Variants in MAST2 observed in about 807,000 individuals in gnomAD.
MAST2 encodes microtubule associated serine/threonine kinase 2.
MAST2 carries 70 observed loss-of-function variants against 147.4 expected under a neutral mutation model. That is an observed-to-expected ratio of 0.47 (90% CI 0.39 to 0.58). The LOEUF (loss-of-function observed/expected upper bound fraction) is 0.58. Ranked by LOEUF, MAST2 falls within the 20% of genes least tolerant of loss-of-function variation. The probability of loss-of-function intolerance (pLI) is 0.00; values close to 1 mark genes in which losing one functional copy is unlikely to be tolerated. For missense variants in MAST2, 2,080 were observed against 2,302.3 expected (o/e 0.90, Z 1.98); for synonymous variants, 869 against 896.8 (o/e 0.97, Z 0.55).
chr1:45,905,528 C>A (rs1186841652), intron 4 of MAST2, among the ~76,000 whole-genome samples: 1 of 152,130 alleles, frequency 6.6e-6, no homozygotes, highest in African/African-American at 2.4e-5. Context: ...CCTATAATCT[C>A]AGCACTTTTG....
chr1:45,912,244 C>T (rs1372407737), intron 4 of MAST2, among the ~76,000 whole-genome samples: 1 of 152,102 alleles, frequency 6.6e-6, no homozygotes, highest in Non-Finnish European at 1.5e-5. Context: ...GTAATTAGAA[C>T]AGTGGCTTTC....
rs1646249770 is a variant in MAST2, at chr1:45,868,462, AT to A, written c.469-13899del. On this transcript the variant is annotated intron_variant, in intron 3 of 28. Coordinates refer to ENST00000361297, the MANE Select transcript of MAST2 (RefSeq NM_015112.3). ...ATTTCCCAGGTTCTGAATTGAAAATATTTGTTGTGCTGATAAAATTATTGCC... is the reference window on the plus strand; with the variant it reads ...ATTTCCCAGGTTCTGAATTGAAAATATTGTTGTGCTGATAAAATTATTGCC... Among the ~76,000 whole-genome samples the A allele has an allele frequency of 2.0e-5, 3 of 152,308 alleles. No homozygotes were observed. The South Asian group carries it at 6.2e-4, about 32-fold the overall frequency.
chr1:45,870,033 C>T (rs1390667237), intron 3 of MAST2, among the ~76,000 whole-genome samples: 1 of 152,174 alleles, frequency 6.6e-6, no homozygotes, highest in Non-Finnish European at 1.5e-5. Flanking sequence ...AAGCGATTCT[C>T]CAGCCTCAGC....
At chr1:45,808,472 G>A (rs1390352158) in intron 1 of MAST2, among the ~76,000 whole-genome samples, 7 of 152,180 alleles carry the variant, frequency 4.6e-5, no homozygotes, top group Non-Finnish European at 7.4e-5. Context: ...GCCTCCCAAA[G>A]TATTAGGATT....
intron 5 of MAST2, among the ~76,000 whole-genome samples, chr1:45,979,645 G>A (rs1332331071): frequency 5.6e-4 from 85 of 152,046 alleles, no homozygotes; most frequent in Non-Finnish European, 7.4e-5. Context: ...ACAACATAGT[G>A]AGACCCCCAT....
intron 4 of MAST2, among the ~76,000 whole-genome samples, chr1:45,941,558 G>A (rs915673928): frequency 1.3e-5 from 2 of 152,196 alleles, no homozygotes; most frequent in South Asian, 2.1e-4. Context: ...GTGCCTGGCC[G>A]TTTTAATAGT....
intron 4 of MAST2, among the ~76,000 whole-genome samples, chr1:45,934,329 C>CA (rs997443735): frequency 6.6e-6 from 1 of 152,010 alleles, no homozygotes; most frequent in Admixed American, 6.5e-5. Context: ...CTAAAAATTA[C>CA]AAAAAAATTA....
intron 4 of MAST2, among the ~76,000 whole-genome samples, chr1:45,889,439 G>T (rs964891087): frequency 6.6e-6 from 1 of 152,026 alleles, no homozygotes; most frequent in South Asian, 2.1e-4. Flanking sequence ...TGCCTTCCTC[G>T]GCCTTCCGAG....
At chr1:45,997,682 C>T (rs777151623) in intron 5 of MAST2, 42 bp from the exon 6 acceptor site, 2 of 1,522,184 alleles carry the variant, frequency 1.3e-6, no homozygotes, top group Non-Finnish European at 1.8e-6. Flanking sequence ...ACCCTCCTCA[C>T]AAGCAAACCT....
intron 3 of MAST2, among the ~76,000 whole-genome samples, chr1:45,873,359 AT>A (rs1208790048): frequency 2.0e-5 from 3 of 151,340 alleles, no homozygotes; most frequent in East Asian, 3.9e-4. Context: ...CTCCTGGCTA[AT>A]TTTTTTTGAG....
At chr1:45,986,526 A>C (rs1488168843) in intron 5 of MAST2, among the ~76,000 whole-genome samples, 1 of 152,078 alleles carries the variant, frequency 6.6e-6, no homozygotes, top group Non-Finnish European at 1.5e-5. Flanking sequence ...AGACCATCCT[A>C]GCTAACACAG....
At chr1:45,852,816 A>ATGGT (rs987574497) in intron 3 of MAST2, among the ~76,000 whole-genome samples, 2 of 115,500 alleles carry the variant, frequency 1.7e-5, no homozygotes, top group Non-Finnish European at 3.8e-5. Flanking sequence ...ATTCCATTGT[A>ATGGT]TGGTCACACA....
At chr1:45,942,561 T>C (rs1465797949) in intron 4 of MAST2, among the ~76,000 whole-genome samples, 1 of 152,208 alleles carries the variant, frequency 6.6e-6, no homozygotes, top group Non-Finnish European at 1.5e-5. Flanking sequence ...TGCAGGTTTG[T>C]TATATAGGTA....
intron 3 of MAST2, among the ~76,000 whole-genome samples, chr1:45,845,608 CAATTT>C (rs1216792447): frequency 1.3e-5 from 2 of 152,126 alleles, no homozygotes; most frequent in African/African-American, 4.8e-5. Flanking sequence ...AATTACATGT[CAATTT>C]AATTTATCTC....
intron 18 of MAST2, 108 bp downstream of exon 18, chr1:46,029,041 G>A (rs1646529030): frequency 1.6e-6 from 2 of 1,248,102 alleles, no homozygotes; most frequent in Admixed American, 2.4e-5. Context: ...AACTCATCAT[G>A]TGTGTTTGTG....
chr1:45,950,774 T>G lies in MAST2; in HGVS notation c.501-8612T>G, dbSNP rs187333880. Among the ~76,000 whole-genome samples the G allele has an allele frequency of 4.6e-5, 7 of 152,244 alleles. No individual in the cohort carries two copies. The East Asian group carries it at 1.4e-3, about 29-fold the overall frequency. ...AAAATCAATAGATAAAAGAAACAGTTTGGAACTTCAGAAAGTAGCATTAGA... is the reference window on the plus strand; with the variant it reads ...AAAATCAATAGATAAAAGAAACAGTGTGGAACTTCAGAAAGTAGCATTAGA... On this transcript the variant is annotated intron_variant, in intron 4 of 28. Transcript: ENST00000361297.
chr1:45,919,672 G>T (rs1182335186), intron 4 of MAST2, among the ~76,000 whole-genome samples: 3 of 152,134 alleles, frequency 2.0e-5, no homozygotes, highest in African/African-American at 7.2e-5. Flanking sequence ...TGTAAGTTGG[G>T]TAGCCCCCAA....
intron 4 of MAST2, among the ~76,000 whole-genome samples, chr1:45,944,007 C>T (rs552228292): frequency 3.3e-5 from 5 of 152,272 alleles, no homozygotes; most frequent in East Asian, 1.9e-4. Flanking sequence ...TAATAAACTT[C>T]GCTATACTCT....
At chr1:45,891,471 C>A (rs777266483) in intron 4 of MAST2, among the ~76,000 whole-genome samples, 1 of 151,918 alleles carries the variant, frequency 6.6e-6, no homozygotes, top group East Asian at 1.9e-4. Flanking sequence ...AGAGAGAGAC[C>A]GTTTCAAAAC....
Sources: gnomAD v4.1 joint callset for allele counts (sites outside exome capture counted in the v4.1 genomes callset) on GRCh38, gnomAD v4.1.1 for gene constraint, MANE v1.5 for transcripts, NCBI Gene and HGNC (gene_info 2026-07-23, HGNC 2026-07-21) for gene names.